Variants in SSH1 observed in about 807,000 individuals in gnomAD.
SSH1 encodes slingshot protein phosphatase 1.
In SSH1, 43 loss-of-function variants were observed where a neutral mutation model predicts 79.7. The observed-to-expected ratio is 0.54, with a 90% CI of 0.42 to 0.70. The LOEUF is 0.70. Among genes scored for constraint, SSH1 ranks in the 30% least tolerant of loss-of-function variants. SSH1 has a pLI of 0.00. For missense variants in SSH1, 1,206 were observed against 1,358.8 expected, an observed-to-expected ratio of 0.89 and a Z score of 1.77; for synonymous variants, 599 against 538.3, an observed-to-expected ratio of 1.11 and a Z score of -1.56.
chr12:108,849,345 G>A (rs1020769113), intron 2 of SSH1, among the ~76,000 whole-genome samples: 4 of 152,186 alleles, frequency 2.6e-5, no homozygotes, highest in African/African-American at 9.7e-5. Flanking sequence ...TTAAGCCCAA[G>A]AGTTTGAGAC....
rs932335831 is a variant in SSH1, at chr12:108,781,742, CG to C, written c.*6245del. On this transcript the variant is annotated 3_prime_UTR_variant, in exon 15 of 15. Coordinates refer to ENST00000326495, the MANE Select transcript of SSH1 (RefSeq NM_018984.4). ...TGGAAAGCAAGTAGAAATGATGTATCGCATCCAGACAGAGGAGACTGAGTGA... is the reference window on the plus strand; with the variant it reads ...TGGAAAGCAAGTAGAAATGATGTATCCATCCAGACAGAGGAGACTGAGTGA... The C allele has an allele frequency of 1.3e-5, 2 of 152,140 alleles. No individual in the cohort carries two copies. The highest frequency in any genetic ancestry group is 4.8e-5 in the African/African-American group (2 of 41,418). The allele number at this position is 152,140 out of a possible 1,614,324, so 9.4% of individuals were successfully genotyped here.
chr12:108,817,728 G>A (rs975960329), intron 4 of SSH1, among the ~76,000 whole-genome samples: 2 of 152,182 alleles, frequency 1.3e-5, no homozygotes, highest in Non-Finnish European at 2.9e-5. Flanking sequence ...AAGAAAGTTC[G>A]TATTTAGCTT....
chr12:108,834,186 TG>T (rs2038542442), intron 2 of SSH1: 1 of 152,280 alleles, frequency 6.6e-6, no homozygotes, highest in African/African-American at 2.4e-5. Flanking sequence ...CTATTCCCCC[TG>T]TTCTCCATGC....
chr12:108,785,856 A>C lies in SSH1; in HGVS notation c.*2132T>G, dbSNP rs1231537830. ...AAATTTGATTTGGCAAAACATACCG[A>C]ACTTGATATTTTTTGAGGCTATGCT... On this transcript the variant is annotated 3_prime_UTR_variant, in exon 15 of 15. Coordinates refer to ENST00000326495, the MANE Select transcript of SSH1 (RefSeq NM_018984.4). 1 of 152,198 alleles carries C rather than the reference A, an allele frequency of 6.6e-6. No homozygotes were observed. Among genetic ancestry groups the C allele is most frequent in the Non-Finnish European group, 1.5e-5 (1 of 68,044 alleles). The allele number at this position is 152,198 out of a possible 1,614,324, so 9.4% of individuals were successfully genotyped here.
chr12:108,843,742 C>G (rs1225324926), intron 2 of SSH1, among the ~76,000 whole-genome samples: 2 of 152,072 alleles, frequency 1.3e-5, no homozygotes, highest in Non-Finnish European at 1.5e-5. Context: ...ACCATGTTGC[C>G]CAGGATGGTC....
At chr12:108,811,946 A>C (rs1358868470) in intron 5 of SSH1, among the ~76,000 whole-genome samples, 19 of 152,194 alleles carry the variant, frequency 1.2e-4, no homozygotes, top group Admixed American at 1.2e-3. Context: ...AAGCCGCTGT[A>C]ACCGTGCCAA....
At position 108,807,903 on chromosome 12, in the gene SSH1, T is replaced by A; in HGVS notation, c.537-76A>T. ...GGGTTTTCTCCTCTGACAAAGGGGT[T>A]CAAATACGGGAAGGGAAGGGCAATG... On this transcript the variant is annotated intron_variant, in intron 7 of 14. Coordinates refer to ENST00000326495, the MANE Select transcript of SSH1 (RefSeq NM_018984.4). This position sits in a 1 kb window ranked among gnomAD's most constrained non-coding sequence, Gnocchi z 5.2. The A allele has an allele frequency of 7.5e-7, 1 of 1,341,780 alleles. No individual in the cohort carries two copies. The highest frequency in any genetic ancestry group is 2.3e-5 in the East Asian group (1 of 42,864). The allele number at this position is 1,341,780 out of a possible 1,614,324, so 83.1% of individuals were successfully genotyped here.
chr12:108,828,141 G>A (rs531892289), intron 2 of SSH1, among the ~76,000 whole-genome samples: 12 of 152,276 alleles, frequency 7.9e-5, no homozygotes, highest in African/African-American at 2.2e-4. Context: ...AAAGGGGCTC[G>A]GCTAGGGTTT....
rs373198617 is a variant in SSH1, at chr12:108,807,766, C to T, written c.598G>A (p.Gly200Arg). 4.0e-5 allele frequency: 64 copies of T among 1,613,762 alleles called. No individual in the cohort carries two copies. Among genetic ancestry groups the T allele is most frequent in the Non-Finnish European group, 5.1e-5 (60 of 1,179,920 alleles). ...EVARRHNYFPGGVALIWATYY... is the reference protein window; with the variant it reads ...EVARRHNYFPRGVALIWATYY... ...GTAGCCCAGATGAGAGCTACACCCC[C>T]GGGGAAGTAGTTGTGCCTCCGGGCC... Residue 200 changes from glycine to arginine, a missense_variant, in exon 8 of 15, where the codon GGG (glycine) becomes AGG (arginine). Physicochemically the swap from Gly to Arg is moderately radical, Grantham distance 125. Coordinates refer to ENST00000326495, the MANE Select transcript of SSH1 (RefSeq NM_018984.4). The surrounding 1 kb of genome is among the most constrained non-coding windows in gnomAD (Gnocchi z 5.2).
At chr12:108,819,790 C>T (rs2038048367) in intron 3 of SSH1, among the ~76,000 whole-genome samples, 1 of 152,126 alleles carries the variant, frequency 6.6e-6, no homozygotes, top group Non-Finnish European at 1.5e-5. Context: ...ACGATAAGAC[C>T]CTGTCTCTAC....
At chr12:108,795,026 C>A (rs562770603) in intron 13 of SSH1, among the ~76,000 whole-genome samples, 1 of 152,320 alleles carries the variant, frequency 6.6e-6, no homozygotes, top group African/African-American at 2.4e-5. Context: ...TCCCCCTACC[C>A]CGCTTCACAT....
intron 14 of SSH1, among the ~76,000 whole-genome samples, chr12:108,790,484 A>G (rs1565967389): frequency 6.6e-6 from 1 of 152,086 alleles, no homozygotes. Context: ...GGGTTTCACC[A>G]TGTTGGTCAT....
chr12:108,834,300 T>C (rs1283120553), intron 2 of SSH1: 1 of 152,424 alleles, frequency 6.6e-6, no homozygotes, highest in African/African-American at 2.4e-5. Flanking sequence ...CCCGACGTCA[T>C]GCCTGTCTTC....
At chr12:108,812,046 G>A (rs932260244) in intron 5 of SSH1, among the ~76,000 whole-genome samples, 7 of 152,114 alleles carry the variant, frequency 4.6e-5, no homozygotes, top group African/African-American at 1.7e-4. Context: ...CCGTGTGAAT[G>A]GGGCCTCTGG....
At chr12:108,847,605 G>A (rs921555678) in intron 2 of SSH1, among the ~76,000 whole-genome samples, 7 of 152,042 alleles carry the variant, frequency 4.6e-5, no homozygotes, top group African/African-American at 1.4e-4. Context: ...TTACAGGAGC[G>A]CACCACCAGG....
At chr12:108,836,963 G>A in intron 2 of SSH1, 1 of 522,346 alleles carries the variant, frequency 1.9e-6, no homozygotes, top group Non-Finnish European at 3.9e-6. Context: ...GACCGCAGTG[G>A]CTCATGCCTG....
intron 3 of SSH1, among the ~76,000 whole-genome samples, chr12:108,819,029 C>T (rs1342095894): frequency 2.0e-5 from 3 of 152,160 alleles, no homozygotes; most frequent in Non-Finnish European, 4.4e-5. Context: ...GCTGGGATTA[C>T]AGGCATAAGC....
intron 1 of SSH1, chr12:108,853,205 GAA>G: frequency 1.0e-6 from 1 of 984,940 alleles, no homozygotes. Flanking sequence ...GATGGTTCTC[GAA>G]AAGACTTAAA....
chr12:108,847,960 G>C (rs2038936213), intron 2 of SSH1, among the ~76,000 whole-genome samples: 1 of 152,214 alleles, frequency 6.6e-6, no homozygotes, highest in African/African-American at 2.4e-5. Context: ...CGCACTTTTA[G>C]CTGGTCATGA....
Sources: allele counts gnomAD v4.1 joint callset (sites outside exome capture counted in the v4.1 genomes callset), GRCh38; gene constraint gnomAD v4.1.1; non-coding constraint Gnocchi (gnomAD v3.1); transcripts MANE v1.5; gene names NCBI Gene and HGNC (gene_info 2026-07-23, HGNC 2026-07-21).